PLEKHM1: variants seen among roughly 807,000 people sequenced by gnomAD.
PLEKHM1 encodes pleckstrin homology and RUN domain containing M1.
In PLEKHM1, 28 loss-of-function variants were observed where a neutral mutation model predicts 94.3. The ratio of observed to expected loss-of-function variants is 0.30; its 90% CI spans 0.22 to 0.41. The LOEUF is 0.41. Ranked by LOEUF, PLEKHM1 falls within the 10% of genes least tolerant of loss-of-function variation. The pLI is 1.00. For missense variants in PLEKHM1, 907 were observed against 1,358.6 expected, an observed-to-expected ratio of 0.67 and a Z score of 5.22; for synonymous variants, 424 against 581.2, an observed-to-expected ratio of 0.73 and a Z score of 3.89.
intron 2 of PLEKHM1, among the ~76,000 whole-genome samples, chr17:45,481,934 A>G (rs984970752): frequency 6.6e-5 from 10 of 152,206 alleles, no homozygotes; most frequent in African/African-American, 2.4e-4. Context: ...AGAGAGCTCT[A>G]TCTGGAGTAC....
chr17:45,469,944 G>T (rs147166900), intron 4 of PLEKHM1, among the ~76,000 whole-genome samples: 4 of 151,794 alleles, frequency 2.6e-5, no homozygotes, highest in Admixed American at 6.6e-5. Flanking sequence ...TTGGTGGCAG[G>T]CGCCTGTAAT....
chr17:45,480,309 C>G (rs1367338492), intron 2 of PLEKHM1, among the ~76,000 whole-genome samples: 1 of 151,998 alleles, frequency 6.6e-6, no homozygotes, highest in Non-Finnish European at 1.5e-5. Flanking sequence ...ATGGTGAAAC[C>G]CCCATCTCTA....
Position 45,450,635 on chromosome 17 carries a change from C to T in PLEKHM1, c.2626G>A (p.Asp876Asn). 1 of 1,613,284 alleles carries T rather than the reference C, an allele frequency of 6.2e-7. No homozygotes were observed. The highest frequency in any genetic ancestry group is 8.5e-7 in the Non-Finnish European group (1 of 1,179,762). ...VIPARIIHNW[D>N]LTKRPICRQA... ...AGACTTACCGGGCGCTTGGTGAGGT[C>T]CCAGTTGTGGATGATCCTGGCCGGA... The change falls in exon 8 of 12, where the codon GAC becomes AAC. Residue 876 changes from aspartate (D) to asparagine (N), a missense_variant. Transcript: ENST00000430334.
At chr17:45,460,122 G>A (rs2145247461) in intron 5 of PLEKHM1, 1 of 152,378 alleles carries the variant, frequency 6.6e-6, no homozygotes, top group East Asian at 1.9e-4. Flanking sequence ...TGTGACAGCA[G>A]AGGGGAGACA....
chr17:45,456,644 C>T (rs1035698907), intron 6 of PLEKHM1, among the ~76,000 whole-genome samples: 3 of 152,238 alleles, frequency 2.0e-5, no homozygotes, highest in Admixed American at 6.5e-5. Context: ...GCCCGGAGAC[C>T]GGGCTCTACC....
At chr17:45,459,495 G>A (rs1251192455) in intron 5 of PLEKHM1, 1 of 151,006 alleles carries the variant, frequency 6.6e-6, no homozygotes, top group African/African-American at 2.4e-5. Context: ...CCATTGTCTC[G>A]ATCCACCACA....
chr17:45,469,522 C>T (rs1180933165), intron 4 of PLEKHM1, among the ~76,000 whole-genome samples: 1 of 152,174 alleles, frequency 6.6e-6, no homozygotes, highest in Admixed American at 6.5e-5. Context: ...ACCAGTGGAG[C>T]ATGTCATGGG....
chr17:45,490,686 C>A lies in PLEKHM1; in HGVS notation c.-76G>T. ...CGAGGAGCGAGGCGAGGGGCGCTCC[C>A]GGCCGCGGCAGCCCCTCAGCCTCCG... On this transcript the variant is annotated 5_prime_UTR_variant, in exon 1 of 12. Transcript: ENST00000430334. 2.2e-6 allele frequency: 1 copy of A among 450,330 alleles called. No individual in the cohort carries two copies. Among genetic ancestry groups the A allele is most frequent in the Non-Finnish European group, 4.5e-6 (1 of 224,596 alleles). 27.9% of individuals were successfully genotyped at this position (450,330 alleles called of 1,614,324 possible).
At position 45,437,176 on chromosome 17, in the gene PLEKHM1, G is replaced by A. The variant is rs758320938; in HGVS notation, c.*682C>T. The A allele has an allele frequency of 3.1e-5, 14 of 452,724 alleles. No individual in the cohort carries two copies. The highest frequency in any genetic ancestry group is 1.4e-4 in the African/African-American group (7 of 49,988). 28.0% of individuals were successfully genotyped at this position (452,724 alleles called of 1,614,324 possible). ...AAGCGGTGGGCTCAGCAGGCGAGAC[G>A]CACTGGGGTGGGGAGTAAAGAGGAC... On this transcript the variant is annotated 3_prime_UTR_variant, in exon 12 of 12. Transcript: ENST00000430334. The surrounding 1 kb of genome is among the most constrained non-coding windows in gnomAD (Gnocchi z 4.0).
chr17:45,467,945 C>T (rs186765742), intron 5 of PLEKHM1, among the ~76,000 whole-genome samples: 23 of 152,214 alleles, frequency 1.5e-4, no homozygotes, highest in Admixed American at 2.6e-4. Context: ...GTGAAAATGA[C>T]AGGAGATACA....
chr17:45,490,214 G>A (rs1472711788), intron 1 of PLEKHM1, among the ~76,000 whole-genome samples: 3 of 151,786 alleles, frequency 2.0e-5, no homozygotes, highest in Non-Finnish European at 2.9e-5. Flanking sequence ...TAAGAAAGCT[G>A]AGCCAGAAAA....
rs200360250 is a variant in PLEKHM1 at position 45,478,064 on chromosome 17, G to A, written c.132C>T (p.Asp44=). 1.4e-4 allele frequency: 219 copies of A among 1,614,052 alleles called. No individual in the cohort carries two copies. The highest frequency in any genetic ancestry group is 1.7e-4 in the Non-Finnish European group (198 of 1,180,026). The part of the protein sequence containing the change: ...VSLDTVVTSE[D]GDANTMCSAL... ...CGCTGCACATGGTGTTGGCATCTCC[G>A]TCTTCACTAGTGACCACCGTGTCCA... Residue 44 remains aspartate (D), a synonymous_variant, in exon 3 of 12, where the codon GAC becomes GAT. Coordinates refer to ENST00000430334, the MANE Select transcript of PLEKHM1 (RefSeq NM_014798.3).
rs2868645 is a variant in PLEKHM1 at position 45,478,006 on chromosome 17, C to T, written c.190G>A (p.Ala64Thr). The T allele has an allele frequency of 2.7e-5, 44 of 1,614,000 alleles. No individual in the cohort carries two copies. The highest frequency in any genetic ancestry group is 4.0e-5 in the African/African-American group (3 of 74,924). The change falls in exon 3 of 12, where the codon GCC (alanine) becomes ACC (threonine). Residue 64 changes from alanine (A) to threonine (T), a missense_variant. Around this residue, in one of 3 missense-constraint regions of PLEKHM1, gnomAD observed 176 missense variants for 306.0 expected, o/e 0.58. Transcript: ENST00000430334. The stretch of plus-strand genomic sequence containing the variant: ...CCGGCCTCAGCTCGGATGTGCTTGG[C>T]GTGCAGGCCATGGATAAATACGGCC... ...LEAVFIHGLH[A>T]KHIRAEAGGK...
chr17:45,441,546 G>A (rs1282531000), intron 9 of PLEKHM1, among the ~76,000 whole-genome samples: 1 of 152,174 alleles, frequency 6.6e-6, no homozygotes, highest in East Asian at 1.9e-4. Flanking sequence ...GAGGGTGGGC[G>A]GATCTGGATG....
intron 9 of PLEKHM1, 173 bp from the exon 10 acceptor site, chr17:45,440,399 G>C (rs751320157): frequency 3.5e-5 from 24 of 685,638 alleles, no homozygotes; most frequent in East Asian, 1.1e-4. Flanking sequence ...GGTCTTCAAC[G>C]TAACTAACTA....
intron 9 of PLEKHM1, 188 bp from the exon 10 acceptor site, chr17:45,440,414 G>A (rs2050413802): frequency 1.5e-6 from 1 of 666,658 alleles, no homozygotes; most frequent in East Asian, 2.7e-5. Context: ...TAACTAGCTG[G>A]TGGGACCTTG....
chr17:45,482,755 G>T (rs942774620), intron 1 of PLEKHM1, among the ~76,000 whole-genome samples: 3 of 152,130 alleles, frequency 2.0e-5, no homozygotes, highest in Non-Finnish European at 4.4e-5. Context: ...GCCAGGGGTG[G>T]GTCCACCCCA....
Position 45,437,330 on chromosome 17 carries a change from C to T in PLEKHM1, c.*528G>A. The T allele has an allele frequency of 2.2e-6, 1 of 454,076 alleles. No homozygotes were observed. The highest frequency in any genetic ancestry group is 1.6e-5 in the South Asian group (1 of 64,480). 28.1% of individuals were successfully genotyped at this position (454,076 alleles called of 1,614,324 possible). ...GTCCCAGCAGTGGCCTGCCCACCAGCCACCCGCTACCTCTAAGCCAGGCCT... is the reference window on the plus strand; with the variant it reads ...GTCCCAGCAGTGGCCTGCCCACCAGTCACCCGCTACCTCTAAGCCAGGCCT... On this transcript the variant is annotated 3_prime_UTR_variant, in exon 12 of 12. Coordinates refer to ENST00000430334, the MANE Select transcript of PLEKHM1 (RefSeq NM_014798.3). This position sits in a 1 kb window ranked among gnomAD's most constrained non-coding sequence, Gnocchi z 4.0.
At chr17:45,434,967 C>CAAAAAAA (rs11369025), downstream of PLEKHM1, among the ~76,000 whole-genome samples, 1 of 98,132 alleles carries the variant, frequency 1.0e-5, no homozygotes, top group Non-Finnish European at 1.9e-5. Context: ...AGACTGTATC[C>CAAAAAAA]AAAAAAAAAA....
Sources: gnomAD v4.1 joint callset for allele counts (sites outside exome capture counted in the v4.1 genomes callset) on GRCh38, gnomAD v4.1.1 for gene constraint, gnomAD v4.1.1 regional missense constraint, Gnocchi (gnomAD v3.1) non-coding constraint, MANE v1.5 for transcripts, NCBI Gene and HGNC (gene_info 2026-07-23, HGNC 2026-07-21) for gene names.